The following ZNF18 variants were observed in gnomAD, a reference collection of about 807,000 sequenced individuals.
ZNF18 encodes zinc finger protein 18.
In ZNF18, 42 loss-of-function variants were observed where a neutral mutation model predicts 58.1. That is an observed-to-expected ratio of 0.72 (90% CI 0.56 to 0.93). The LOEUF (loss-of-function observed/expected upper bound fraction) is 0.93. Among genes scored for constraint, ZNF18 ranks in the 40% least tolerant of loss-of-function variants. ZNF18 has a pLI of 0.00. For missense variants in ZNF18, 540 were observed against 644.2 expected, an observed-to-expected ratio of 0.84 and a Z score of 1.75; for synonymous variants, 231 against 239.8, an observed-to-expected ratio of 0.96 and a Z score of 0.34.
the ZNF18 span, among the ~76,000 whole-genome samples, chr17:12,007,565 G>C: frequency 6.6e-6 from 1 of 152,192 alleles, no homozygotes. Flanking sequence ...ACTTTGGGCA[G>C]TCAGACTTTG....
upstream of ZNF18, among the ~76,000 whole-genome samples, chr17:11,999,304 C>A (rs1273514480): frequency 6.6e-6 from 1 of 152,198 alleles, no homozygotes; most frequent in Non-Finnish European, 1.5e-5. Context: ...CATCTACATA[C>A]AACACTTTGC....
chr17:12,008,271 GCA>G, the ZNF18 span, among the ~76,000 whole-genome samples: 8 of 152,314 alleles, frequency 5.3e-5, no homozygotes, highest in Non-Finnish European at 7.4e-5. Flanking sequence ...TCTTTGGCAA[GCA>G]CAGTTTTAAA....
chr17:12,007,037 A>ATTTTG, the ZNF18 span, among the ~76,000 whole-genome samples: 2 of 151,974 alleles, frequency 1.3e-5, no homozygotes, highest in Non-Finnish European at 2.9e-5. Context: ...GTTTTATTTT[A>ATTTTG]TTTTGTTTTG....
At chr17:11,993,067 C>T (rs1488552202) in intron 1 of ZNF18, 156 bp from the exon 2 acceptor site, 1 of 521,066 alleles carries the variant, frequency 1.9e-6, no homozygotes, top group Non-Finnish European at 3.4e-6. Flanking sequence ...AGATTATAAA[C>T]TTGAAGCCAC....
At chr17:12,021,067 C>A in the ZNF18 span, 1 of 964,124 alleles carries the variant, frequency 1.0e-6, no homozygotes, top group Non-Finnish European at 1.3e-6. Flanking sequence ...TCGCGGCCTG[C>A]CCCAGCGGAC....
chr17:11,982,870 T>C (rs1040287163), intron 6 of ZNF18, among the ~76,000 whole-genome samples: 9 of 152,180 alleles, frequency 5.9e-5, no homozygotes, highest in East Asian at 5.8e-4. Flanking sequence ...GTTAGGTGCA[T>C]AGGGATTAGA....
At chr17:12,005,299 A>T in the ZNF18 span, among the ~76,000 whole-genome samples, 1 of 152,070 alleles carries the variant, frequency 6.6e-6, no homozygotes, top group Non-Finnish European at 1.5e-5. Flanking sequence ...AATCAAATGG[A>T]AACTGGTGGC....
At chr17:12,020,940 C>A in the ZNF18 span, 31 of 1,217,146 alleles carry the variant, frequency 2.5e-5, no homozygotes, top group Non-Finnish European at 2.2e-5. Flanking sequence ...GCAGCGGCAG[C>A]GGCACCCCCG....
the ZNF18 span, among the ~76,000 whole-genome samples, chr17:12,017,487 G>A: frequency 1.3e-5 from 2 of 152,196 alleles, no homozygotes; most frequent in African/African-American, 2.4e-5. Flanking sequence ...AAATAGAGGT[G>A]TCTGACCTTG....
chr17:11,977,992 G>T lies in ZNF18; in HGVS notation c.1615C>A (p.Gln539Lys). Residue 539 changes from glutamine to lysine, a missense_variant, in exon 7 of 7, where the codon CAA (glutamine) becomes AAA (lysine). Gln to Lys is a moderately conservative substitution (Grantham distance 53). Coordinates refer to ENST00000580306, the MANE Select transcript of ZNF18 (RefSeq NM_001303281.2). Reference protein sequence around the residue: ...FSWSSSLDKHQRSHLGKKPFQ With the variant: ...FSWSSSLDKHKRSHLGKKPFQ ...GGCTTCTTTCCTAAGTGGGATCTTT[G>T]ATGTTTGTCAAGGCTCGAGCTCCAG... 2 of 1,591,188 alleles carry T rather than the reference G, an allele frequency of 1.3e-6. No homozygotes were observed. Among genetic ancestry groups the T allele is most frequent in the Non-Finnish European group, 1.7e-6 (2 of 1,169,148 alleles).
At chr17:12,001,738 ATTAAC>A, upstream of ZNF18, among the ~76,000 whole-genome samples, 1 of 152,358 alleles carries the variant, frequency 6.6e-6, no homozygotes, top group Non-Finnish European at 1.5e-5. Context: ...TGATGAATGT[ATTAAC>A]TTGATTTAAA....
the ZNF18 span, among the ~76,000 whole-genome samples, chr17:12,014,360 T>C: frequency 1.3e-5 from 2 of 152,192 alleles, no homozygotes; most frequent in Non-Finnish European, 2.9e-5. Flanking sequence ...TTATTCCTAA[T>C]AGCCAAAAAG....
At chr17:11,990,412 T>C (rs1308258018) in intron 4 of ZNF18, 50 bp downstream of exon 4, 1 of 1,501,706 alleles carries the variant, frequency 6.7e-7, no homozygotes. Context: ...GAGGATGAGA[T>C]TATAAAAGGT....
the ZNF18 span, chr17:12,021,056 G>T: frequency 9.2e-7 from 1 of 1,082,002 alleles, no homozygotes; most frequent in Non-Finnish European, 1.2e-6. Context: ...AACCCGCGTC[G>T]TCGCGGCCTG....
chr17:11,978,953 T>C (rs1398463103), intron 6 of ZNF18, among the ~76,000 whole-genome samples: 2 of 149,434 alleles, frequency 1.3e-5, no homozygotes, highest in Non-Finnish European at 1.5e-5. Context: ...GGCTAAATGG[T>C]TCAGCTCTGG....
Position 11,978,179 on chromosome 17 carries a change from G to A in ZNF18, c.1428C>T (p.Phe476=). 1 of 1,614,016 alleles carries A rather than the reference G, an allele frequency of 6.2e-7. No homozygotes were observed. Among genetic ancestry groups the A allele is most frequent in the Non-Finnish European group, 8.5e-7 (1 of 1,180,002 alleles). The change falls in exon 7 of 7, where the codon TTC becomes TTT. Residue 476 remains phenylalanine, a synonymous_variant. Transcript: ENST00000580306. ...TTTTCTCGTGGTGGCGCAATCCTGAGAAGTCACTAAAGCCTTTCCCACAGT... is the reference window on the plus strand; with the variant it reads ...TTTTCTCGTGGTGGCGCAATCCTGAAAAGTCACTAAAGCCTTTCCCACAGT... ...CDYCGKGFSD[F]SGLRHHEKIH...
the ZNF18 span, among the ~76,000 whole-genome samples, chr17:12,018,185 T>C: frequency 1.3e-5 from 2 of 152,250 alleles, no homozygotes; most frequent in Admixed American, 1.3e-4. Flanking sequence ...TGGTTATTCA[T>C]ATGTATTGCT....
At chr17:11,984,663 T>G (rs533913196) in intron 4 of ZNF18, among the ~76,000 whole-genome samples, 1 of 152,178 alleles carries the variant, frequency 6.6e-6, no homozygotes, top group Admixed American at 6.5e-5. Context: ...TATAGGCACA[T>G]GCCACCGTGC....
In ZNF18 at chr17:11,992,865, T is replaced by C. The variant is rs544376624; in HGVS notation, c.-36A>G. 1.9e-6 allele frequency: 3 copies of C among 1,584,040 alleles called. No homozygotes were observed. In the East Asian group the frequency reaches 6.7e-5, roughly 36 times the overall value. On this transcript the variant is annotated 5_prime_UTR_variant, in exon 2 of 7. Transcript: ENST00000580306. The stretch of plus-strand genomic sequence containing the variant: ...GGCAAGTCCTTTTAAGTAAAGTGCT[T>C]CTGCAGTGGAATTGTCTCCGGCAAG...
Sources: gnomAD v4.1 joint callset for allele counts (sites outside exome capture counted in the v4.1 genomes callset) on GRCh38, gnomAD v4.1.1 for gene constraint, MANE v1.5 for transcripts, NCBI Gene and HGNC (gene_info 2026-07-23, HGNC 2026-07-21) for gene names.